The following EPB41L3 variants were observed in gnomAD, a reference collection of about 807,000 sequenced individuals.
EPB41L3 encodes the protein band 4.1-like protein 3.
A neutral mutation model predicts 127.1 loss-of-function variants in EPB41L3; 57 were observed. That is an observed-to-expected ratio of 0.45 (90% CI 0.36 to 0.56). The LOEUF is 0.56. Among genes scored for constraint, EPB41L3 ranks in the 20% least tolerant of loss-of-function variants. EPB41L3 has a pLI of 0.00. For synonymous variants in EPB41L3, 572 were observed against 549.5 expected (o/e 1.04, Z -0.57); for missense variants, 1,273 against 1,372.2 (o/e 0.93, Z 1.14).
At chr18:5,395,857 T>C in intron 19 of EPB41L3, 150 bp from the exon 20 acceptor site, 1 of 676,200 alleles carries the variant, frequency 1.5e-6, no homozygotes, top group Non-Finnish European at 2.6e-6. Flanking sequence ...CTCCCAAGAA[T>C]AAGTACTAAG....
At chr18:5,624,994 GA>G (rs2094906613) in intron 1 of EPB41L3, among the ~76,000 whole-genome samples, 1 of 152,128 alleles carries the variant, frequency 6.6e-6, no homozygotes, top group Admixed American at 6.5e-5. Flanking sequence ...TAGGGTGAGC[GA>G]AAGACAGAGA....
intron 1 of EPB41L3, among the ~76,000 whole-genome samples, chr18:5,498,836 G>A (rs1467509628): frequency 2.0e-5 from 3 of 152,046 alleles, no homozygotes; most frequent in African/African-American, 7.2e-5. Context: ...TCTGTTAACC[G>A]TAAATCACCC....
At position 5,415,801 on chromosome 18, in the gene EPB41L3, T is replaced by C; in HGVS notation, c.2067+17A>G. The C allele has an allele frequency of 6.2e-7, 1 of 1,605,578 alleles. No individual in the cohort carries two copies. The highest frequency in any genetic ancestry group is 8.5e-7 in the Non-Finnish European group (1 of 1,176,428). ...CGGAACACGAAGGGGAAGCGTGTTCTATGCCGAGGTACACACCTCTTCCTC... is the reference window on the plus strand; with the variant it reads ...CGGAACACGAAGGGGAAGCGTGTTCCATGCCGAGGTACACACCTCTTCCTC... On this transcript the variant is annotated intron_variant, in intron 13 of 22. Transcript: ENST00000341928.
chr18:5,568,682 A>T (rs1793289927), intron 3 of EPB41L3, among the ~76,000 whole-genome samples: 2 of 152,202 alleles, frequency 1.3e-5, no homozygotes, highest in African/African-American at 4.8e-5. Flanking sequence ...TCCTAGCAAT[A>T]GATATTCAAA....
At chr18:5,539,460 T>C (rs530677463) in intron 1 of EPB41L3, among the ~76,000 whole-genome samples, 102 of 152,338 alleles carry the variant, frequency 6.7e-4, no homozygotes, top group African/African-American at 2.3e-3. Flanking sequence ...ACCAAAGACA[T>C]TTCAACCAAG....
At chr18:5,458,793 G>A (rs187008997) in intron 3 of EPB41L3, among the ~76,000 whole-genome samples, 22 of 152,238 alleles carry the variant, frequency 1.4e-4, no homozygotes, top group African/African-American at 3.4e-4. Context: ...TCCTATAAAC[G>A]AAATGAACTA....
intron 16 of EPB41L3, chr18:5,398,377 G>A (rs981361300): frequency 1.9e-6 from 1 of 524,184 alleles, no homozygotes; most frequent in South Asian, 3.2e-5. Context: ...GATTTAAGCA[G>A]ATATATATAT....
upstream of EPB41L3, among the ~76,000 whole-genome samples, chr18:5,629,629 A>T (rs1451606884): frequency 6.6e-6 from 1 of 152,102 alleles, no homozygotes; most frequent in Non-Finnish European, 1.5e-5. Context: ...AGGGCGAGCA[A>T]GGTCTAGCTT....
chr18:5,417,972 A>G lies in EPB41L3; in HGVS notation c.1507-1594T>C, dbSNP rs112246901. 8.6e-3 allele frequency among the ~76,000 whole-genome samples: 1,313 copies of G among 152,280 alleles called. 19 individuals carry two copies. The highest frequency in any genetic ancestry group is 0.03 in the African/African-American group (1,250 of 41,556). On this transcript the variant is annotated intron_variant, in intron 12 of 22. Transcript: ENST00000341928. ...GCCTCCTTCCCAGGCAACCTAGGGG[A>G]CCAGCCTTTCAAGAACTATTTTCAG...
At chr18:5,517,570 G>C (rs1417957144) in intron 1 of EPB41L3, among the ~76,000 whole-genome samples, 1 of 151,946 alleles carries the variant, frequency 6.6e-6, no homozygotes, top group Non-Finnish European at 1.5e-5. Flanking sequence ...CGAGTAGCTG[G>C]GACTACAGGC....
chr18:5,586,329 GATATT>G (rs1382468314), intron 3 of EPB41L3, among the ~76,000 whole-genome samples: 1 of 151,994 alleles, frequency 6.6e-6, no homozygotes, highest in East Asian at 1.9e-4. Context: ...TCAAGAGGCA[GATATT>G]ATAAGTAAAT....
intron 8 of EPB41L3, among the ~76,000 whole-genome samples, 186 bp downstream of exon 8, chr18:5,433,283 C>T (rs1327062923): frequency 2.0e-5 from 3 of 152,030 alleles, no homozygotes; most frequent in South Asian, 2.1e-4. Context: ...AAGAGCAAAC[C>T]CCTCAGTAAA....
chr18:5,587,977 C>T (rs559448695), intron 3 of EPB41L3, among the ~76,000 whole-genome samples: 1 of 152,236 alleles, frequency 6.6e-6, no homozygotes, highest in East Asian at 1.9e-4. Flanking sequence ...AAATGCAGAT[C>T]AGATCACGCA....
At chr18:5,436,219 T>C (rs1328110395) in intron 6 of EPB41L3, among the ~76,000 whole-genome samples, 1 of 152,012 alleles carries the variant, frequency 6.6e-6, no homozygotes, top group Non-Finnish European at 1.5e-5. Context: ...ATATAAGAAA[T>C]GAACTGTTCA....
At chr18:5,572,392 G>T (rs1187735206) in intron 3 of EPB41L3, among the ~76,000 whole-genome samples, 2 of 152,202 alleles carry the variant, frequency 1.3e-5, no homozygotes, top group East Asian at 3.9e-4. Flanking sequence ...TTTGCATCCT[G>T]ACATCGTCAA....
chr18:5,493,953 C>T (rs1188818639), intron 1 of EPB41L3, among the ~76,000 whole-genome samples: 1 of 152,134 alleles, frequency 6.6e-6, no homozygotes, highest in Non-Finnish European at 1.5e-5. Flanking sequence ...TATCCCATTT[C>T]TCATATTCTA....
intron 9 of EPB41L3, among the ~76,000 whole-genome samples, chr18:5,427,059 A>G (rs1176201495): frequency 6.6e-6 from 1 of 152,106 alleles, no homozygotes; most frequent in African/African-American, 2.4e-5. Flanking sequence ...GCTGGGGTAC[A>G]GTGGTGTGAT....
intron 2 of EPB41L3, among the ~76,000 whole-genome samples, chr18:5,482,728 A>T (rs1044888993): frequency 6.6e-6 from 1 of 152,200 alleles, no homozygotes; most frequent in African/African-American, 2.4e-5. Flanking sequence ...AAAGAAAAAA[A>T]CTGTCATCTA....
At chr18:5,488,558 TATAATA>T (rs377343121) in intron 2 of EPB41L3, among the ~76,000 whole-genome samples, 1 of 147,542 alleles carries the variant, frequency 6.8e-6, no homozygotes, top group Non-Finnish European at 1.5e-5. Context: ...GAGCTTAAAG[TATAATA>T]ATAATGATGA....
Sources: gnomAD v4.1 joint callset for allele counts (sites outside exome capture counted in the v4.1 genomes callset) on GRCh38, gnomAD v4.1.1 for gene constraint, MANE v1.5 for transcripts, NCBI Gene and HGNC (gene_info 2026-07-23, HGNC 2026-07-21) for gene names.